Variants in EPB41L5 observed in about 807,000 individuals in gnomAD.
EPB41L5 encodes band 4.1-like protein 5.
A neutral mutation model predicts 106.6 loss-of-function variants in EPB41L5; 55 were observed. The observed-to-expected ratio is 0.52, with a 90% CI of 0.42 to 0.65. The LOEUF is 0.65. EPB41L5 is among the 30% of genes least tolerant of loss of function. The pLI is 0.00. For missense variants in EPB41L5, 871 were observed against 882.1 expected, an observed-to-expected ratio of 0.99 and a Z score of 0.16; for synonymous variants, 297 against 306.7, an observed-to-expected ratio of 0.97 and a Z score of 0.33.
chr2:120,115,762 G>C (rs1684921279), intron 16 of EPB41L5, among the ~76,000 whole-genome samples: 1 of 152,030 alleles, frequency 6.6e-6, no homozygotes, highest in African/African-American at 2.4e-5. Context: ...GTTATGTTGT[G>C]ATCTGATGTT....
chr2:120,076,926 G>A (rs1682282236), intron 7 of EPB41L5, 45 bp from the exon 8 acceptor site: 1 of 1,509,616 alleles, frequency 6.6e-7, no homozygotes, highest in Non-Finnish European at 8.9e-7. Flanking sequence ...GTTTTTGAAG[G>A]ATTTAGCAGG....
At chr2:120,046,928 T>C (rs935240451) in intron 3 of EPB41L5, among the ~76,000 whole-genome samples, 24 of 152,120 alleles carry the variant, frequency 1.6e-4, no homozygotes, top group Admixed American at 1.4e-3. Flanking sequence ...ATCCTTTCCC[T>C]ATTTCTTGTT....
rs879555896 is a variant in EPB41L5, at chr2:120,178,969, G to A, written c.*4062G>A. On this transcript the variant is annotated 3_prime_UTR_variant, in exon 25 of 25. Coordinates refer to ENST00000263713, the MANE Select transcript of EPB41L5 (RefSeq NM_020909.4). ...GTAAAACTTTGCAGTAGCATTTAAAGTGTAATTTATTTTTCTATCAAGTGC... is the reference window on the plus strand; with the variant it reads ...GTAAAACTTTGCAGTAGCATTTAAAATGTAATTTATTTTTCTATCAAGTGC... 17 of 152,218 alleles carry A rather than the reference G, an allele frequency of 1.1e-4. No homozygotes were observed. The highest frequency in any genetic ancestry group is 1.0e-4 in the Non-Finnish European group (7 of 68,040). 9.4% of individuals were successfully genotyped at this position (152,218 alleles called of 1,614,324 possible).
rs1294967662 is a variant in EPB41L5, at chr2:120,104,800, AAC to A, written c.1337+3989_1337+3990del. On this transcript the variant is annotated intron_variant, in intron 16 of 24. Transcript: ENST00000263713. ...TTACAAACACTTTTACTTTTTAATA[AAC>A]ACGAATATTTTAACTTACCAAAAGA... 3.2e-6 allele frequency: 3 copies of A among 924,734 alleles called. No individual in the cohort carries two copies. In the African/African-American group the frequency reaches 5.3e-5, roughly 16 times the overall value. The allele number at this position is 924,734 out of a possible 1,614,324, so 57.3% of individuals were successfully genotyped here. A position where few individuals can be genotyped will look rare whatever the true frequency, so the allele number is the denominator to read the frequency against.
chr2:120,158,511 A>G (rs1231171449), intron 20 of EPB41L5, among the ~76,000 whole-genome samples: 1 of 152,254 alleles, frequency 6.6e-6, no homozygotes, highest in African/African-American at 2.4e-5. Flanking sequence ...CAATAGATGC[A>G]GAAAAGGCTT....
chr2:120,039,684 G>C (rs1679269123), intron 2 of EPB41L5, among the ~76,000 whole-genome samples: 1 of 152,068 alleles, frequency 6.6e-6, no homozygotes, highest in Non-Finnish European at 1.5e-5. Flanking sequence ...AATTAGGTGG[G>C]TGTGGTGGCG....
chr2:120,028,846 G>T (rs935483006), intron 2 of EPB41L5, among the ~76,000 whole-genome samples: 2 of 152,174 alleles, frequency 1.3e-5, no homozygotes, highest in Non-Finnish European at 2.9e-5. Context: ...ATAGTCTGCT[G>T]TCATGAAGAG....
chr2:120,076,940 T>C (rs1237954796), intron 7 of EPB41L5, 31 bp from the exon 8 acceptor site: 8 of 1,542,080 alleles, frequency 5.2e-6, no homozygotes, highest in Non-Finnish European at 7.0e-6. Context: ...TAGCAGGAAA[T>C]ACATATAACT....
At chr2:120,092,515 A>G (rs1477831045) in intron 13 of EPB41L5, among the ~76,000 whole-genome samples, 2 of 152,240 alleles carry the variant, frequency 1.3e-5, no homozygotes, top group Non-Finnish European at 2.9e-5. Context: ...TGACAAATAA[A>G]TTAAACCTTG....
chr2:120,040,979 T>A (rs1383465805), intron 2 of EPB41L5, among the ~76,000 whole-genome samples: 1 of 152,118 alleles, frequency 6.6e-6, no homozygotes, highest in East Asian at 1.9e-4. Context: ...TTATGAAAAT[T>A]GAGGATCCCA....
intron 18 of EPB41L5, among the ~76,000 whole-genome samples, chr2:120,140,898 G>T (rs1033371001): frequency 2.0e-5 from 3 of 151,954 alleles, no homozygotes; most frequent in Non-Finnish European, 4.4e-5. Context: ...CTTAATGTTG[G>T]CCTGACTAAA....
intron 20 of EPB41L5, among the ~76,000 whole-genome samples, chr2:120,147,223 G>A (rs551734656): frequency 1.3e-5 from 2 of 152,222 alleles, no homozygotes; most frequent in Admixed American, 6.5e-5. Flanking sequence ...GGTGATCCAC[G>A]CTGTAGGCCT....
In EPB41L5 at chr2:120,105,614, T is replaced by A. The variant is rs752122691; in HGVS notation, c.1337+4800T>A. The A allele has an allele frequency of 3.7e-5, 36 of 985,362 alleles. 1 individual carries two copies. The highest frequency in any genetic ancestry group is 4.3e-5 in the Non-Finnish European group (36 of 829,876). 61.0% of individuals were successfully genotyped at this position (985,362 alleles called of 1,614,324 possible). ...TTTCAATCTGAGTTTAGTATAATTATGTGTAAGAGGATGGCCACTCAAAGT... is the reference window on the plus strand; with the variant it reads ...TTTCAATCTGAGTTTAGTATAATTAAGTGTAAGAGGATGGCCACTCAAAGT... On this transcript the variant is annotated intron_variant, in intron 16 of 24. Transcript: ENST00000263713.
chr2:120,160,037 G>C (rs1015521436), intron 20 of EPB41L5, among the ~76,000 whole-genome samples: 1 of 152,188 alleles, frequency 6.6e-6, no homozygotes, highest in Non-Finnish European at 1.5e-5. Flanking sequence ...GACACATAGA[G>C]GTGAAAAACA....
chr2:120,153,215 T>C (rs1298786438), intron 20 of EPB41L5, among the ~76,000 whole-genome samples: 1 of 152,196 alleles, frequency 6.6e-6, no homozygotes, highest in African/African-American at 2.4e-5. Flanking sequence ...CTCAAATTAT[T>C]TTCTAATTTC....
chr2:120,090,621 TA>T, intron 12 of EPB41L5, 105 bp downstream of exon 12: 1 of 999,884 alleles, frequency 1.0e-6, no homozygotes. Context: ...TATAGAGGAA[TA>T]AGGTGGTTTG....
At chr2:120,053,578 T>C (rs1166941388) in intron 3 of EPB41L5, among the ~76,000 whole-genome samples, 1 of 152,210 alleles carries the variant, frequency 6.6e-6, no homozygotes, top group Non-Finnish European at 1.5e-5. Flanking sequence ...AATGGAATCA[T>C]GTAATAGGTG....
At chr2:120,014,623 A>C (rs1002700651) in intron 1 of EPB41L5, among the ~76,000 whole-genome samples, 2 of 152,242 alleles carry the variant, frequency 1.3e-5, no homozygotes, top group Non-Finnish European at 1.5e-5. Flanking sequence ...CATTTCAACT[A>C]TAAGTCTGAA....
At chr2:120,127,430 T>C (rs1284192167) in intron 16 of EPB41L5, among the ~76,000 whole-genome samples, 1 of 152,232 alleles carries the variant, frequency 6.6e-6, no homozygotes, top group African/African-American at 2.4e-5. Context: ...TGTTTGCATG[T>C]AACCTACATG....
Sources: allele counts gnomAD v4.1 joint callset (sites outside exome capture counted in the v4.1 genomes callset), GRCh38; gene constraint gnomAD v4.1.1; transcripts MANE v1.5; gene names NCBI Gene and HGNC (gene_info 2026-07-23, HGNC 2026-07-21).